The following ZNF530 variants were observed in gnomAD, a reference collection of about 807,000 sequenced individuals.
ZNF530 encodes zinc finger protein 530.
In ZNF530, 5 loss-of-function variants were observed where a neutral mutation model predicts 2.8. The observed-to-expected ratio is 1.80, with a 90% CI of 0.94 to 3.78. ZNF530 has a LOEUF of 3.78. ZNF530 is among the 30% of genes most tolerant of loss of function. ZNF530 has a pLI of 0.00. For missense variants in ZNF530, 619 were observed against 673.3 expected (o/e 0.92, Z 0.89); for synonymous variants, 229 against 235.0 (o/e 0.97, Z 0.23).
downstream of ZNF530, chr19:57,612,449 C>A: frequency 2.5e-6 from 1 of 400,554 alleles, no homozygotes; most frequent in South Asian, 1.3e-4. Context: ...CATCCCTGTT[C>A]ACCTTAATAT....
chr19:57,599,908 G>A lies in ZNF530; in HGVS notation c.-348G>A. 1.9e-6 allele frequency: 1 copy of A among 535,082 alleles called. No homozygotes were observed. Among genetic ancestry groups the A allele is most frequent in the East Asian group, 3.1e-5 (1 of 32,652 alleles). 33.1% of individuals were successfully genotyped at this position (535,082 alleles called of 1,614,324 possible). A position where few individuals can be genotyped will look rare whatever the true frequency, so the allele number is the denominator to read the frequency against. On this transcript the variant is annotated 5_prime_UTR_variant, in exon 1 of 4. Transcript: ENST00000597700. Reference sequence around the variant, plus strand: ...GCGGAACTTCCGGCGTCCTCCCTGTGGCGGGCACTTTGGCTTGTGTCAGTT... The same window carrying A: ...GCGGAACTTCCGGCGTCCTCCCTGTAGCGGGCACTTTGGCTTGTGTCAGTT...
intron 2 of ZNF530, 89 bp from the exon 3 acceptor site, chr19:57,604,188 G>A (rs766883456): frequency 6.3e-7 from 1 of 1,585,970 alleles, no homozygotes; most frequent in Non-Finnish European, 8.6e-7. Flanking sequence ...GAGATGGGGA[G>A]GAGGGTGAGC....
rs763259758 is a variant in ZNF530 at position 57,606,011 on chromosome 19, T to C, written c.387T>C (p.His129=). ...QASFMMNCRF[H]VSGKPFTFGE... ...CATTTATGATGAACTGCAGGTTCCATGTGTCAGGAAAACCCTTCACGTTTG... is the reference window on the plus strand; with the variant it reads ...CATTTATGATGAACTGCAGGTTCCACGTGTCAGGAAAACCCTTCACGTTTG... Residue 129 remains histidine (H), a synonymous_variant, in exon 4 of 4, where the codon CAT becomes CAC. Coordinates refer to ENST00000597700, the MANE Select transcript of ZNF530 (RefSeq NM_001321981.2). The C allele has an allele frequency of 3.1e-6, 5 of 1,614,194 alleles. No individual in the cohort carries two copies. The highest frequency in any genetic ancestry group is 4.5e-5 in the East Asian group (2 of 44,884).
Position 57,607,462 on chromosome 19 carries a change from A to G in ZNF530, c.*137A>G. 2.4e-6 allele frequency: 2 copies of G among 844,304 alleles called. No individual in the cohort carries two copies. The highest frequency in any genetic ancestry group is 3.6e-6 in the Non-Finnish European group (2 of 560,378). 52.3% of individuals were successfully genotyped at this position (844,304 alleles called of 1,614,324 possible). On this transcript the variant is annotated 3_prime_UTR_variant, in exon 4 of 4. Transcript: ENST00000597700. ...TGGGATCAAGTGATTCTCCTGCCAC[A>G]GCCTCCTGAGTACCTGAGATTACAG...
chr19:57,607,495 C>A lies in ZNF530; in HGVS notation c.*170C>A. On this transcript the variant is annotated 3_prime_UTR_variant, in exon 4 of 4. Coordinates refer to ENST00000597700, the MANE Select transcript of ZNF530 (RefSeq NM_001321981.2). ...GAGTACCTGAGATTACAGGCACCCACCACCATGCCCAGCTAATTTTTGTAT... is the reference window on the plus strand; with the variant it reads ...GAGTACCTGAGATTACAGGCACCCAACACCATGCCCAGCTAATTTTTGTAT... The A allele has an allele frequency of 1.5e-6, 1 of 646,596 alleles. No homozygotes were observed. The highest frequency in any genetic ancestry group is 2.1e-5 in the South Asian group (1 of 47,186). The allele number at this position is 646,596 out of a possible 1,614,324, so 40.1% of individuals were successfully genotyped here. A position where few individuals can be genotyped will look rare whatever the true frequency, so the allele number is the denominator to read the frequency against.
rs1980624511 is a variant in ZNF530 at position 57,607,209 on chromosome 19, C to T, written c.1585C>T (p.Leu529Phe). The change falls in exon 4 of 4, where the codon CTC becomes TTC. Residue 529 changes from leucine to phenylalanine, a missense_variant. Coordinates refer to ENST00000597700, the MANE Select transcript of ZNF530 (RefSeq NM_001321981.2). The stretch of plus-strand genomic sequence containing the variant: ...GAAATCTTTTACCCGCAAAAATCAC[C>T]TCATTCAACACAAGACAGTTCACAC... ...CGKSFTRKNH[L>F]IQHKTVHTGE... is the part of the protein sequence containing the mutation. 6.2e-7 allele frequency: 1 copy of T among 1,614,104 alleles called. No homozygotes were observed.
Position 57,608,281 on chromosome 19 carries a change from A to C in ZNF530, c.*956A>C, listed in dbSNP as rs1980706228. 6.6e-6 allele frequency: 1 copy of C among 152,178 alleles called. No homozygotes were observed. The highest frequency in any genetic ancestry group is 1.5e-5 in the Non-Finnish European group (1 of 68,024). 9.4% of individuals were successfully genotyped at this position (152,178 alleles called of 1,614,324 possible). Reference sequence around the variant, plus strand: ...TTTGTTTAAGTACCTTTAATCTTGTAAGTTGTATTAATTGTTGAGTAGTTT... The same window carrying C: ...TTTGTTTAAGTACCTTTAATCTTGTCAGTTGTATTAATTGTTGAGTAGTTT... On this transcript the variant is annotated 3_prime_UTR_variant, in exon 4 of 4. Coordinates refer to ENST00000597700, the MANE Select transcript of ZNF530 (RefSeq NM_001321981.2).
rs1365075976 is a variant in ZNF530 at position 57,599,887 on chromosome 19, A to G, written c.-369A>G. The G allele has an allele frequency of 2.4e-5, 12 of 500,882 alleles. No individual in the cohort carries two copies. Among genetic ancestry groups the G allele is most frequent in the Non-Finnish European group, 3.9e-5 (11 of 280,040 alleles). The allele number at this position is 500,882 out of a possible 1,614,324, so 31.0% of individuals were successfully genotyped here. On this transcript the variant is annotated 5_prime_UTR_variant, in exon 1 of 4. Transcript: ENST00000597700. The stretch of plus-strand genomic sequence containing the variant: ...CGCTCTGTCCAACTTGTCGGAGCGG[A>G]ACTTCCGGCGTCCTCCCTGTGGCGG...
At chr19:57,605,100 T>C (rs1980433806) in intron 3 of ZNF530, 1 of 152,878 alleles carries the variant, frequency 6.5e-6, no homozygotes, top group Non-Finnish European at 1.5e-5. Context: ...TGTCCTGAGT[T>C]CTCAGTGATT....
rs1980700423 is a variant in ZNF530, at chr19:57,608,185, TG to T, written c.*861del. On this transcript the variant is annotated 3_prime_UTR_variant, in exon 4 of 4. Coordinates refer to ENST00000597700, the MANE Select transcript of ZNF530 (RefSeq NM_001321981.2). ...TGTTGATCTCAGGCGATGCTTGTGATGAAGCATTTTTTAGCTTCCACCACTT... is the reference window on the plus strand; with the variant it reads ...TGTTGATCTCAGGCGATGCTTGTGATAAGCATTTTTTAGCTTCCACCACTT... 6.6e-6 allele frequency: 1 copy of T among 152,252 alleles called. No individual in the cohort carries two copies. The highest frequency in any genetic ancestry group is 2.4e-5 in the African/African-American group (1 of 41,470). 9.4% of individuals were successfully genotyped at this position (152,252 alleles called of 1,614,324 possible).
At position 57,606,927 on chromosome 19, in the gene ZNF530, T is replaced by C; in HGVS notation, c.1303T>C (p.Cys435Arg). The change falls in exon 4 of 4, where the codon TGT becomes CGT. Residue 435 changes from cysteine (C) to arginine (R), a missense_variant. Physicochemically the swap from Cys to Arg is radical, Grantham distance 180. Coordinates refer to ENST00000597700, the MANE Select transcript of ZNF530 (RefSeq NM_001321981.2). ...TKTKPYECSE[C>R]EKSFSCKTDL... ...AACAAAGCCTTATGAGTGCAGTGAATGTGAAAAATCATTTAGTTGCAAAAC... is the reference window on the plus strand; with the variant it reads ...AACAAAGCCTTATGAGTGCAGTGAACGTGAAAAATCATTTAGTTGCAAAAC... The C allele has an allele frequency of 1.2e-6, 2 of 1,613,962 alleles. No individual in the cohort carries two copies. Among genetic ancestry groups the C allele is most frequent in the Admixed American group, 1.7e-5 (1 of 60,014 alleles).
chr19:57,604,181 A>G lies in ZNF530; in HGVS notation c.-69-96A>G, dbSNP rs371963373. The G allele has an allele frequency of 1.9e-5, 29 of 1,566,308 alleles. No individual in the cohort carries two copies. The African/African-American group carries it at 3.4e-4, about 18-fold the overall frequency. On this transcript the variant is annotated intron_variant, in intron 2 of 3. Coordinates refer to ENST00000597700, the MANE Select transcript of ZNF530 (RefSeq NM_001321981.2). ...CTGTTGTATTCGCTGAGGTGGGGAG[A>G]TGGGGAGGAGGGTGAGCCAGGGATG...
chr19:57,611,549 C>A (rs188476733), downstream of ZNF530, among the ~76,000 whole-genome samples: 1 of 152,090 alleles, frequency 6.6e-6, no homozygotes, highest in African/African-American at 2.4e-5. Flanking sequence ...AAGTCATGCA[C>A]CCCCAGAGGA....
At position 57,607,058 on chromosome 19, in the gene ZNF530, T is replaced by TA; in HGVS notation, c.1434_1435insA (p.Val479SerfsTer4). The TA allele has an allele frequency of 6.2e-7, 1 of 1,601,644 alleles. No homozygotes were observed. Among genetic ancestry groups the TA allele is most frequent in the Non-Finnish European group, 8.5e-7 (1 of 1,176,144 alleles). ...AAACCCACCTCATTCGACACCAGAC[T>TA]GTTCACACTAATGAAAGGCCTTATG... On this transcript the variant is annotated frameshift_variant, in exon 4 of 4. Transcript: ENST00000597700. LOFTEE classifies it low-confidence loss of function (END_TRUNC).
intron 3 of ZNF530, 61 bp downstream of exon 3, chr19:57,604,467 A>G: frequency 1.9e-6 from 3 of 1,567,972 alleles, no homozygotes; most frequent in Non-Finnish European, 2.6e-6. Flanking sequence ...CCTGTCCCTG[A>G]GGCAGCTCTG....
chr19:57,610,246 T>G (rs1014616556), downstream of ZNF530, among the ~76,000 whole-genome samples: 1 of 152,216 alleles, frequency 6.6e-6, no homozygotes, highest in Non-Finnish European at 1.5e-5. Context: ...CCTTTACAAT[T>G]GATTGACTTG....
intron 2 of ZNF530, 152 bp from the exon 3 acceptor site, chr19:57,604,125 A>G: frequency 1.0e-6 from 1 of 998,118 alleles, no homozygotes; most frequent in Non-Finnish European, 1.5e-6. Context: ...CAATGAGACC[A>G]TGAGAGAGTA....
In ZNF530 at chr19:57,605,785, C is replaced by T; in HGVS notation, c.161C>T (p.Thr54Ile). ...QGRTPKADTS[T>I]DKSHPCEICT... The stretch of plus-strand genomic sequence containing the variant: ...AGGACTCCAAAGGCAGATACATCCA[C>T]TGATAAGAGTCACCCCTGTGAGATT... The change falls in exon 4 of 4, where the codon ACT (threonine) becomes ATT (isoleucine). Residue 54 changes from threonine (T) to isoleucine (I), a missense_variant. Thr to Ile is a moderately conservative substitution (Grantham distance 89, BLOSUM62 -1). Coordinates refer to ENST00000597700, the MANE Select transcript of ZNF530 (RefSeq NM_001321981.2). The T allele has an allele frequency of 6.2e-7, 1 of 1,614,180 alleles. No individual in the cohort carries two copies.
rs946497769 is a variant in ZNF530 at position 57,609,307 on chromosome 19, G to A, written c.*1982G>A. Among the ~76,000 whole-genome samples, 2 of 151,932 alleles carry A rather than the reference G, an allele frequency of 1.3e-5. No individual in the cohort carries two copies. Among genetic ancestry groups the A allele is most frequent in the African/African-American group, 4.8e-5 (2 of 41,362 alleles). On this transcript the variant is annotated 3_prime_UTR_variant, in exon 4 of 4. Transcript: ENST00000597700. ...GACCACACCACTGCACTCCAGCCCGGGTGATGGAGTGAGACTCTGTTTCCA... is the reference window on the plus strand; with the variant it reads ...GACCACACCACTGCACTCCAGCCCGAGTGATGGAGTGAGACTCTGTTTCCA...
Sources: gnomAD v4.1 joint callset for allele counts (sites outside exome capture counted in the v4.1 genomes callset) on GRCh38, gnomAD v4.1.1 for gene constraint, MANE v1.5 for transcripts, NCBI Gene and HGNC (gene_info 2026-07-23, HGNC 2026-07-21) for gene names.